The following KCNT1 variants were observed in gnomAD, a reference collection of about 807,000 sequenced individuals.
The protein encoded by KCNT1 is potassium channel subfamily T member 1.
KCNT1 carries 78 observed loss-of-function variants against 147.8 expected under a neutral mutation model. The observed-to-expected ratio is 0.53, with a 90% CI of 0.44 to 0.64. The LOEUF is 0.64. KCNT1 is among the 30% of genes least tolerant of loss of function. The probability of loss-of-function intolerance (pLI) is 0.00; values close to 1 mark genes in which losing one functional copy is unlikely to be tolerated. For missense variants in KCNT1, 1,419 were observed against 1,750.3 expected, an observed-to-expected ratio of 0.81 and a Z score of 3.38; for synonymous variants, 867 against 748.8, an observed-to-expected ratio of 1.16 and a Z score of -2.58.
At chr9:135,723,149 G>A (rs557124855) in intron 2 of KCNT1, among the ~76,000 whole-genome samples, 5 of 152,350 alleles carry the variant, frequency 3.3e-5, no homozygotes, top group Middle Eastern at 3.4e-3. Context: ...AGTGACGGGC[G>A]TGGCTCTCCG....
chr9:135,731,060 A>C (rs1420653419), intron 2 of KCNT1, among the ~76,000 whole-genome samples: 3 of 151,334 alleles, frequency 2.0e-5, no homozygotes, highest in Non-Finnish European at 2.9e-5. Flanking sequence ...CCACAGCAGC[A>C]GGAAGCCCAC....
chr9:135,764,148 C>T (rs1267170458), intron 11 of KCNT1, among the ~76,000 whole-genome samples: 1 of 152,116 alleles, frequency 6.6e-6, no homozygotes, highest in African/African-American at 2.4e-5. Context: ...GAGCTCCTGC[C>T]ATTGTTCATT....
intron 22 of KCNT1, 91 bp downstream of exon 22, chr9:135,778,586 G>A (rs2131548984): frequency 6.2e-7 from 1 of 1,601,672 alleles, no homozygotes; most frequent in Non-Finnish European, 8.5e-7. Context: ...CCGCAGGTGG[G>A]GTGGGGGGCT....
At position 135,768,874 on chromosome 9, in the gene KCNT1, C is replaced by T; in HGVS notation, c.1447C>T (p.Pro483Ser). 6.2e-7 allele frequency: 1 copy of T among 1,613,466 alleles called. No homozygotes were observed. The highest frequency in any genetic ancestry group is 8.5e-7 in the Non-Finnish European group (1 of 1,179,926). The change falls in exon 15 of 31, where the codon CCC becomes TCC. Residue 483 changes from proline to serine, a missense_variant. Physicochemically the swap from Pro to Ser is moderately conservative, Grantham distance 74. Transcript: ENST00000371757. ...CGCCTGGGCCGTGAAGGACTTCGCC[C>T]CCAACTGCCCCCTCTACGTCCAGAT... ...LRAWAVKDFA[P>S]NCPLYVQILK... is the part of the protein sequence containing the mutation.
chr9:135,773,022 G>A, intron 19 of KCNT1, 73 bp downstream of exon 19: 1 of 1,081,394 alleles, frequency 9.2e-7, no homozygotes. Flanking sequence ...GGGTGTCGGA[G>A]CATCCTTGGT....
intron 1 of KCNT1, among the ~76,000 whole-genome samples, chr9:135,712,549 C>T (rs1409419953): frequency 2.0e-5 from 3 of 152,078 alleles, no homozygotes; most frequent in Non-Finnish European, 4.4e-5. Flanking sequence ...CCCAACACTC[C>T]CCTCTCCCCC....
chr9:135,710,487 C>A (rs944518504), intron 1 of KCNT1, among the ~76,000 whole-genome samples: 1 of 152,178 alleles, frequency 6.6e-6, no homozygotes, highest in African/African-American at 2.4e-5. Flanking sequence ...TATTTGCAAC[C>A]GTGACTTGAG....
At chr9:135,718,041 C>T (rs976715609) in intron 2 of KCNT1, among the ~76,000 whole-genome samples, 1 of 152,216 alleles carries the variant, frequency 6.6e-6, no homozygotes, top group African/African-American at 2.4e-5. Context: ...AGCCCTGGCT[C>T]TGTGGAAACC....
At chr9:135,717,482 AG>A (rs1488978921) in intron 2 of KCNT1, among the ~76,000 whole-genome samples, 3 of 152,000 alleles carry the variant, frequency 2.0e-5, no homozygotes, top group Non-Finnish European at 2.9e-5. Context: ...CCCGGTTCCC[AG>A]CAGCTTTGCC....
At position 135,752,780 on chromosome 9, in the gene KCNT1, T is replaced by TGATG. The variant is rs374571590; in HGVS notation, c.435-1136_435-1133dup. Among the ~76,000 whole-genome samples the TGATG allele has an allele frequency of 1.7e-4, 23 of 137,870 alleles. No individual in the cohort carries two copies. The highest frequency in any genetic ancestry group is 8.5e-4 in the Admixed American group (12 of 14,078). The allele number at this position is 137,870 out of a possible 152,430, so 90.4% of individuals were successfully genotyped here. ...ATGGAGGGATGAGTGGATGGGTGGA[T>TGATG]GATGGATGGATGGATGGATGGATGA... On this transcript the variant is annotated intron_variant, in intron 4 of 30. Transcript: ENST00000371757. The surrounding 1 kb of genome is among the most constrained non-coding windows in gnomAD (Gnocchi z 5.1).
chr9:135,705,600 G>A (rs561630), intron 1 of KCNT1, among the ~76,000 whole-genome samples: 134,624 of 152,198 alleles, frequency 0.88, 60,088 homozygotes, highest in East Asian at 0.98. Context: ...GGGTGCCAAG[G>A]CCCGGTTAAA....
intron 2 of KCNT1, chr9:135,737,067 C>G (rs1830373717): frequency 4.8e-6 from 1 of 208,568 alleles, no homozygotes; most frequent in South Asian, 1.9e-4. Context: ...GTGCCAGGCA[C>G]TGGGGGCCCC....
chr9:135,785,978 C>A (rs942376209), intron 28 of KCNT1: 2 of 573,530 alleles, frequency 3.5e-6, no homozygotes, highest in South Asian at 2.2e-5. Flanking sequence ...GGTGGCCCGG[C>A]GATCTGTGCT....
chr9:135,778,862 C>T, intron 23 of KCNT1, 40 bp downstream of exon 23: 1 of 1,601,662 alleles, frequency 6.2e-7, no homozygotes, highest in Non-Finnish European at 8.5e-7. Context: ...AACCACCCCA[C>T]AGCCACGACC....
At chr9:135,778,322 C>A in intron 21 of KCNT1, 102 bp from the exon 22 acceptor site, 4 of 1,084,832 alleles carry the variant, frequency 3.7e-6, no homozygotes, top group Non-Finnish European at 5.4e-6. Context: ...TGGGGAACCC[C>A]TGCCTGGCCC....
rs534474575 is a variant in KCNT1 at position 135,775,986 on chromosome 9, G to A, written c.2349+571G>A. On this transcript the variant is annotated intron_variant, in intron 20 of 30. Transcript: ENST00000371757. ...CAGAGCAGGGACCAGTGACCTGGTGGCAGGTGGGTCTGCGATGTTTCTTGG... is the reference window on the plus strand; with the variant it reads ...CAGAGCAGGGACCAGTGACCTGGTGACAGGTGGGTCTGCGATGTTTCTTGG... 9.9e-5 allele frequency among the ~76,000 whole-genome samples: 15 copies of A among 152,142 alleles called. No homozygotes were observed. In the East Asian group the frequency reaches 1.9e-3, roughly 20 times the overall value.
At chr9:135,750,322 G>T in intron 3 of KCNT1, 145 bp downstream of exon 3, 8 of 621,540 alleles carry the variant, frequency 1.3e-5, no homozygotes, top group East Asian at 3.1e-5. Flanking sequence ...GGGGCATTTG[G>T]AAGCAGGGTG....
Position 135,784,873 on chromosome 9 carries a change from T to G in KCNT1, c.3140T>G (p.Val1047Gly), listed in dbSNP as rs1281337569. The G allele has an allele frequency of 6.2e-7, 1 of 1,612,454 alleles. No homozygotes were observed. The highest frequency in any genetic ancestry group is 1.3e-5 in the African/African-American group (1 of 74,922). Residue 1047 changes from valine (V) to glycine (G), a missense_variant, in exon 27 of 31, where the codon GTC becomes GGC. Val to Gly is a moderately radical substitution (Grantham distance 109). Transcript: ENST00000371757. ...PIGIYRTESH[V>G]FSTSEPHDLR... Reference sequence around the variant, plus strand: ...GGCATCTACCGGACAGAGAGCCACGTCTTCTCCACCTCGGAGGTTCTGGGG... The same window carrying G: ...GGCATCTACCGGACAGAGAGCCACGGCTTCTCCACCTCGGAGGTTCTGGGG...
intron 2 of KCNT1, among the ~76,000 whole-genome samples, chr9:135,726,448 T>C (rs988530352): frequency 1.3e-5 from 2 of 152,078 alleles, no homozygotes; most frequent in Non-Finnish European, 2.9e-5. Context: ...TGGCTCGCCA[T>C]GTGGCCAGGG....
Sources: allele counts gnomAD v4.1 joint callset (sites outside exome capture counted in the v4.1 genomes callset), GRCh38; gene constraint gnomAD v4.1.1; non-coding constraint Gnocchi (gnomAD v3.1); transcripts MANE v1.5; gene names NCBI Gene and HGNC (gene_info 2026-07-23, HGNC 2026-07-21).